Variants in PEAK1 observed in about 807,000 individuals in gnomAD.
The protein encoded by PEAK1 is pseudopodium enriched atypical kinase 1, also known as inactive tyrosine-protein kinase PEAK1.
PEAK1 carries 54 observed loss-of-function variants against 124.7 expected under a neutral mutation model. The ratio of observed to expected loss-of-function variants is 0.43; its 90% CI spans 0.35 to 0.54. The LOEUF is 0.54. PEAK1 is among the 20% of genes least tolerant of loss of function. The probability of loss-of-function intolerance (pLI) is 0.01; values close to 1 mark genes in which losing one functional copy is unlikely to be tolerated. For synonymous variants in PEAK1, 719 were observed against 760.0 expected (o/e 0.95, Z 0.89); for missense variants, 2,046 against 2,134.5 (o/e 0.96, Z 0.82).
At chr15:77,313,682 G>GTATATATA (rs1567244747) in intron 2 of PEAK1, among the ~76,000 whole-genome samples, 5 of 118,610 alleles carry the variant, frequency 4.2e-5, no homozygotes, top group African/African-American at 1.6e-4. Context: ...GTGTGTGTGT[G>GTATATATA]TGTGTGTGTG....
chr15:77,256,031 G>C (rs184074532), intron 5 of PEAK1, among the ~76,000 whole-genome samples: 12 of 152,246 alleles, frequency 7.9e-5, no homozygotes, highest in Non-Finnish European at 1.5e-4. Flanking sequence ...AGATCTTGTA[G>C]GTGGGGATAG....
At chr15:77,274,274 T>C (rs1203347617) in intron 5 of PEAK1, among the ~76,000 whole-genome samples, 1 of 151,974 alleles carries the variant, frequency 6.6e-6, no homozygotes, top group Non-Finnish European at 1.5e-5. Flanking sequence ...GATAAATAGA[T>C]GGAACTTAAT....
At chr15:77,155,330 C>T (rs1192287307) in intron 8 of PEAK1, 3 of 152,240 alleles carry the variant, frequency 2.0e-5, no homozygotes, top group African/African-American at 7.2e-5. Context: ...TAGCTTTCAG[C>T]TCCATCAGCT....
intron 2 of PEAK1, among the ~76,000 whole-genome samples, chr15:77,314,908 G>A (rs1597254317): frequency 6.6e-6 from 1 of 152,174 alleles, no homozygotes; most frequent in East Asian, 1.9e-4. Flanking sequence ...GAGGTAGGGT[G>A]TGGAGTGGGA....
At chr15:77,150,726 C>T (rs987401296) in intron 8 of PEAK1, among the ~76,000 whole-genome samples, 3 of 145,390 alleles carry the variant, frequency 2.1e-5, no homozygotes, top group Non-Finnish European at 3.0e-5. Context: ...TGTGTTCTCA[C>T]TGGTCAATTC....
intron 2 of PEAK1, among the ~76,000 whole-genome samples, chr15:77,299,659 T>C (rs2063689331): frequency 6.6e-6 from 1 of 152,246 alleles, no homozygotes; most frequent in South Asian, 2.1e-4. Context: ...GGGTATGTTG[T>C]AGAAAGTCTC....
At chr15:77,193,747 T>TGAGCAGAGATTGCACC (rs2057964734) in intron 6 of PEAK1, among the ~76,000 whole-genome samples, 1 of 152,166 alleles carries the variant, frequency 6.6e-6, no homozygotes. Context: ...GAGGTTGCAC[T>TGAGCAGAGATTGCACC]GAGCAGAGAT....
chr15:77,347,365 G>A (rs2066930097), intron 2 of PEAK1: 7 of 985,336 alleles, frequency 7.1e-6, no homozygotes, highest in Non-Finnish European at 8.4e-6. Flanking sequence ...TGCCACAGAG[G>A]AAGAGGTTTC....
chr15:77,370,068 T>TTCTCCCCACTTCA (rs907460841), intron 1 of PEAK1, among the ~76,000 whole-genome samples: 2 of 152,132 alleles, frequency 1.3e-5, no homozygotes, highest in African/African-American at 2.4e-5. Context: ...TCATTTCCTA[T>TTCTCCCCACTTCA]TCTCCCCACT....
chr15:77,344,139 G>A (rs1369155211), intron 2 of PEAK1, among the ~76,000 whole-genome samples: 1 of 152,138 alleles, frequency 6.6e-6, no homozygotes, highest in East Asian at 1.9e-4. Context: ...CTGTCGCCCA[G>A]GCTAAAGTGC....
chr15:77,202,840 C>A (rs2058434851), intron 6 of PEAK1, among the ~76,000 whole-genome samples: 1 of 151,368 alleles, frequency 6.6e-6, no homozygotes, highest in Non-Finnish European at 1.5e-5. Context: ...AGTTCAAGAG[C>A]AGCCTAGGCA....
intron 1 of PEAK1, among the ~76,000 whole-genome samples, chr15:77,380,646 T>C (rs1310853680): frequency 1.3e-5 from 2 of 151,958 alleles, no homozygotes; most frequent in Non-Finnish European, 2.9e-5. Context: ...GCCCAGTTAA[T>C]TTTTGTACTT....
At chr15:77,402,413 C>G in intron 1 of PEAK1, 1 of 985,290 alleles carries the variant, frequency 1.0e-6, no homozygotes, top group Non-Finnish European at 1.2e-6. Flanking sequence ...ACATATCACC[C>G]ATTTATTTAG....
chr15:77,162,493 CAAAAA>C (rs71143393), intron 7 of PEAK1, among the ~76,000 whole-genome samples: 1 of 70,456 alleles, frequency 1.4e-5, no homozygotes, highest in Admixed American at 1.7e-4. Flanking sequence ...GACTCCATCT[CAAAAA>C]AAAAAAAAAA....
At chr15:77,370,661 C>T (rs1023589276) in intron 1 of PEAK1, 5 of 975,104 alleles carry the variant, frequency 5.1e-6, no homozygotes, top group Admixed American at 6.2e-5. Context: ...ATTTAATGTG[C>T]TGATCAGTTA....
chr15:77,322,642 T>C (rs2065297446), intron 2 of PEAK1, among the ~76,000 whole-genome samples: 1 of 151,946 alleles, frequency 6.6e-6, no homozygotes, highest in Admixed American at 6.6e-5. Context: ...AATTAATAGC[T>C]TACCAACCAA....
At chr15:77,369,831 G>GT (rs978153058) in intron 1 of PEAK1, among the ~76,000 whole-genome samples, 138 of 152,142 alleles carry the variant, frequency 9.1e-4, no homozygotes, top group African/African-American at 3.2e-3. Context: ...TGGCTCATAG[G>GT]TTTCCATCTT....
intron 6 of PEAK1, among the ~76,000 whole-genome samples, chr15:77,214,917 C>A (rs968504312): frequency 6.6e-6 from 1 of 152,142 alleles, no homozygotes; most frequent in African/African-American, 2.4e-5. Flanking sequence ...CTGGGAATTA[C>A]AATTCGACAA....
At chr15:77,360,581 A>C (rs1267367823) in intron 2 of PEAK1, among the ~76,000 whole-genome samples, 1 of 152,128 alleles carries the variant, frequency 6.6e-6, no homozygotes, top group Non-Finnish European at 1.5e-5. Flanking sequence ...TGGATAAAAA[A>C]AGACAGCATT....
Sources: allele counts gnomAD v4.1 joint callset (sites outside exome capture counted in the v4.1 genomes callset), GRCh38; gene constraint gnomAD v4.1.1; transcripts MANE v1.5; gene names NCBI Gene and HGNC (gene_info 2026-07-23, HGNC 2026-07-21).